IKBKB: variants seen among roughly 807,000 people sequenced by gnomAD.
IKBKB encodes inhibitor of nuclear factor kappa B kinase subunit beta.
Under a neutral mutation model 113.6 loss-of-function variants are expected in IKBKB, and 42 were observed. The observed-to-expected ratio is 0.37, with a 90% CI of 0.29 to 0.48. The LOEUF (loss-of-function observed/expected upper bound fraction) is 0.48, where lower values mean the gene tolerates loss of function less well. IKBKB is among the 20% of genes least tolerant of loss of function. The pLI is 0.99. For missense variants in IKBKB, 673 were observed against 939.7 expected (o/e 0.72, Z 3.71); for synonymous variants, 296 against 361.3 (o/e 0.82, Z 2.05).
rs558995874 is a variant in IKBKB, at chr8:42,288,157, C to T, written c.106-477C>T. On this transcript the variant is annotated intron_variant, in intron 2 of 21. Transcript: ENST00000520810. ...ATCCCAGCACATTGAGAGTGCGAGG[C>T]GGGCAGATCACTTGAGGTCAGGAAT... Among the ~76,000 whole-genome samples, 1,091 of 152,048 alleles carry T rather than the reference C, an allele frequency of 7.2e-3. 8 individuals are homozygous for T. Among genetic ancestry groups the T allele is most frequent in the Middle Eastern group, 0.031 (9 of 294 alleles).
chr8:42,301,660 A>C (rs1003080989), intron 5 of IKBKB, among the ~76,000 whole-genome samples: 2 of 152,242 alleles, frequency 1.3e-5, no homozygotes, highest in African/African-American at 2.4e-5. Context: ...AATGAGGAAT[A>C]AAGTTTGTTT....
At position 42,280,942 on chromosome 8, in the gene IKBKB, C is replaced by T. The variant is rs185716262; in HGVS notation, c.106-7692C>T. ...TCACTTCTCTAGGGATTTATAGAGC[C>T]TGGGCCCGAGCTCTGTCAGGGATAC... On this transcript the variant is annotated intron_variant, in intron 2 of 21. Coordinates refer to ENST00000520810, the MANE Select transcript of IKBKB (RefSeq NM_001556.3). 5.4e-3 allele frequency among the ~76,000 whole-genome samples: 828 copies of T among 152,240 alleles called. 2 individuals are homozygous for T. Among genetic ancestry groups the T allele is most frequent in the Non-Finnish European group, 8.3e-3 (562 of 68,018 alleles).
intron 2 of IKBKB, 25 bp from the exon 3 acceptor site, chr8:42,288,609 G>C (rs901355869): frequency 1.3e-6 from 2 of 1,586,830 alleles, no homozygotes; most frequent in Non-Finnish European, 1.7e-6. Flanking sequence ...TCGCTCTGCT[G>C]GTCCCCACTG....
At chr8:42,309,590 A>G in intron 8 of IKBKB, 1 of 274,276 alleles carries the variant, frequency 3.6e-6, no homozygotes, top group Non-Finnish European at 7.3e-6. Context: ...CCCTGTCTCT[A>G]CTAAAAACCC....
At chr8:42,287,183 G>A (rs1462321011) in intron 2 of IKBKB, among the ~76,000 whole-genome samples, 4 of 152,196 alleles carry the variant, frequency 2.6e-5, no homozygotes, top group Admixed American at 6.5e-5. Context: ...GGGCCTGCCC[G>A]TCTCCAGTGT....
chr8:42,274,191 A>G (rs1463292653), intron 2 of IKBKB, among the ~76,000 whole-genome samples: 1 of 151,798 alleles, frequency 6.6e-6, no homozygotes, highest in African/African-American at 2.4e-5. Flanking sequence ...CCACCATGCC[A>G]GCTAATTTTT....
rs1180468169 is a variant in IKBKB at position 42,331,183 on chromosome 8, C to T, written c.*204C>T. On this transcript the variant is annotated 3_prime_UTR_variant, in exon 22 of 22. Coordinates refer to ENST00000520810, the MANE Select transcript of IKBKB (RefSeq NM_001556.3). ...GATGGAGCTCTCGCTTCCTCAGCAGCTGTGACTTTCACCCAGGACCCAGGA... is the reference window on the plus strand; with the variant it reads ...GATGGAGCTCTCGCTTCCTCAGCAGTTGTGACTTTCACCCAGGACCCAGGA... 6.0e-6 allele frequency: 5 copies of T among 830,472 alleles called. No individual in the cohort carries two copies. The highest frequency in any genetic ancestry group is 9.9e-6 in the Non-Finnish European group (5 of 503,912). 51.4% of individuals were successfully genotyped at this position (830,472 alleles called of 1,614,324 possible).
At chr8:42,307,636 G>A (rs1465283057) in intron 7 of IKBKB, among the ~76,000 whole-genome samples, 1 of 152,160 alleles carries the variant, frequency 6.6e-6, no homozygotes, top group Non-Finnish European at 1.5e-5. Context: ...CTTTCAGAGT[G>A]GGTCTCACAG....
intron 9 of IKBKB, among the ~76,000 whole-genome samples, chr8:42,315,487 T>A (rs988712075): frequency 2.6e-5 from 4 of 151,778 alleles, no homozygotes; most frequent in African/African-American, 9.7e-5. Flanking sequence ...CAGGGAAGGG[T>A]TTGAGTGCTC....
At chr8:42,298,307 T>G (rs1289642251) in intron 5 of IKBKB, 1 of 985,296 alleles carries the variant, frequency 1.0e-6, no homozygotes, top group Admixed American at 6.2e-5. Context: ...GTGGCCAGTC[T>G]GCTGTGGTGA....
At chr8:42,304,334 G>T (rs979571646) in intron 5 of IKBKB, among the ~76,000 whole-genome samples, 1 of 152,164 alleles carries the variant, frequency 6.6e-6, no homozygotes, top group African/African-American at 2.4e-5. Flanking sequence ...GTCTGTCAAA[G>T]TTATTCACCC....
At chr8:42,308,879 G>GT in intron 7 of IKBKB, 22 bp from the exon 8 acceptor site, 1 of 1,612,622 alleles carries the variant, frequency 6.2e-7, no homozygotes, top group Non-Finnish European at 8.5e-7. Flanking sequence ...CAGCTCAGGT[G>GT]TACCCCCTCC....
intron 2 of IKBKB, among the ~76,000 whole-genome samples, 154 bp from the exon 3 acceptor site, chr8:42,288,480 A>G (rs1167586246): frequency 2.6e-5 from 4 of 151,728 alleles, no homozygotes. Context: ...GGCAGGTGCT[A>G]CGTGGCTGTC....
At chr8:42,288,790 G>T (rs1811957847) in intron 3 of IKBKB, 62 bp downstream of exon 3, 1 of 1,358,680 alleles carries the variant, frequency 7.4e-7, no homozygotes, top group Non-Finnish European at 1.0e-6. Flanking sequence ...GGTGTGTCTA[G>T]AAAGGAGAGT....
intron 2 of IKBKB, among the ~76,000 whole-genome samples, chr8:42,277,018 C>T (rs1468376866): frequency 6.6e-6 from 1 of 151,208 alleles, no homozygotes; most frequent in Non-Finnish European, 1.5e-5. Flanking sequence ...TGGCGCCTGC[C>T]ACCACCCCCG....
intron 7 of IKBKB, among the ~76,000 whole-genome samples, chr8:42,306,990 C>G (rs1213390166): frequency 1.3e-5 from 2 of 152,144 alleles, no homozygotes; most frequent in East Asian, 1.9e-4. Flanking sequence ...GCTGGTGATG[C>G]AGTGGGGAAA....
chr8:42,278,181 AG>A (rs1809572906), intron 2 of IKBKB, among the ~76,000 whole-genome samples: 3 of 152,138 alleles, frequency 2.0e-5, no homozygotes, highest in Admixed American at 6.5e-5. Flanking sequence ...TTCCAGGCCA[AG>A]GGAGAGGCTC....
intron 15 of IKBKB, 160 bp from the exon 16 acceptor site, chr8:42,320,575 A>G (rs1819568655): frequency 3.4e-6 from 2 of 585,546 alleles, no homozygotes; most frequent in Non-Finnish European, 6.0e-6. Context: ...CCCTAGATGC[A>G]GGCGCAGCCA....
At chr8:42,280,937 A>G in intron 2 of IKBKB, among the ~76,000 whole-genome samples, 1 of 152,144 alleles carries the variant, frequency 6.6e-6, no homozygotes, top group East Asian at 1.9e-4. Flanking sequence ...AGGGATTTAT[A>G]GAGCCTGGGC....
Sources: allele counts gnomAD v4.1 joint callset (sites outside exome capture counted in the v4.1 genomes callset), GRCh38; gene constraint gnomAD v4.1.1; transcripts MANE v1.5; gene names NCBI Gene and HGNC (gene_info 2026-07-23, HGNC 2026-07-21).